The following PEPD variants were observed in gnomAD, a reference collection of about 807,000 sequenced individuals.
PEPD encodes xaa-Pro dipeptidase.
PEPD carries 53 observed loss-of-function variants against 60.7 expected under a neutral mutation model. The observed-to-expected ratio is 0.87, with a 90% CI of 0.70 to 1.10. The LOEUF (loss-of-function observed/expected upper bound fraction) is 1.10. Among genes scored for constraint, PEPD ranks in the 50% least tolerant of loss-of-function variants. PEPD has a pLI of 0.00. For missense variants in PEPD, 711 were observed against 711.9 expected, an observed-to-expected ratio of 1.00 and a Z score of 0.01; for synonymous variants, 267 against 284.1, an observed-to-expected ratio of 0.94 and a Z score of 0.60.
intron 3 of PEPD, among the ~76,000 whole-genome samples, chr19:33,504,039 T>G (rs1250006727): frequency 6.6e-6 from 1 of 152,194 alleles, no homozygotes; most frequent in Non-Finnish European, 1.5e-5. Flanking sequence ...GAAGAGCCAT[T>G]CGACAGATAC....
chr19:33,473,269 G>A (rs184560179), intron 7 of PEPD, among the ~76,000 whole-genome samples: 26 of 152,258 alleles, frequency 1.7e-4, no homozygotes, highest in Admixed American at 9.8e-4. Context: ...ACACAAAGAT[G>A]AGCAATGCTA....
intron 6 of PEPD, among the ~76,000 whole-genome samples, chr19:33,487,831 G>T (rs1322212991): frequency 6.6e-6 from 1 of 152,140 alleles, no homozygotes; most frequent in African/African-American, 2.4e-5. Flanking sequence ...CACAGGGACT[G>T]GGGGGCAACA....
At position 33,483,809 on chromosome 19, in the gene PEPD, AGTCTCTTTAAAAAAGCCT is replaced by A. The variant is rs994082072; in HGVS notation, c.504-5737_504-5720del. Among the ~76,000 whole-genome samples the A allele has an allele frequency of 1.4e-3, 217 of 152,180 alleles. 1 individual carries two copies. Among genetic ancestry groups the A allele is most frequent in the African/African-American group, 4.3e-3 (177 of 41,532 alleles). On this transcript the variant is annotated intron_variant, in intron 6 of 14. Coordinates refer to ENST00000244137, the MANE Select transcript of PEPD (RefSeq NM_000285.4). Reference sequence around the variant, plus strand: ...GCCTGGGCAAGAGTGACTCTTGCCCAGTCTCTTTAAAAAAGCCTGTCTCTTTAAAAAAGAAAAAAAGAC... The same window carrying A: ...GCCTGGGCAAGAGTGACTCTTGCCCAGTCTCTTTAAAAAAGAAAAAAAGAC...
At position 33,393,666 on chromosome 19, in the gene PEPD, A is replaced by G. The variant is rs576483778; in HGVS notation, c.968-2187T>C. On this transcript the variant is annotated intron_variant, in intron 12 of 14. Transcript: ENST00000244137. ...CAGTGGCATTGGCCACCATTCCTCC[A>G]TCGCGCATGACCAGCCAGCCCTGGT... Among the ~76,000 whole-genome samples, 10 of 152,254 alleles carry G rather than the reference A, an allele frequency of 6.6e-5. No homozygotes were observed. The East Asian group carries it at 1.6e-3, about 24-fold the overall frequency.
chr19:33,503,502 G>A (rs775680224), intron 3 of PEPD, among the ~76,000 whole-genome samples: 20 of 152,118 alleles, frequency 1.3e-4, no homozygotes, highest in Non-Finnish European at 2.6e-4. Context: ...CGAGCGCCTC[G>A]CCTGGACTTC....
intron 3 of PEPD, among the ~76,000 whole-genome samples, chr19:33,503,183 CA>C (rs1970742333): frequency 6.6e-6 from 1 of 152,166 alleles, no homozygotes; most frequent in Non-Finnish European, 1.5e-5. Context: ...CCACCCAAAC[CA>C]GGAAGTACTG....
chr19:33,511,388 TG>T (rs1970924074), intron 2 of PEPD: 1 of 516,588 alleles, frequency 1.9e-6, no homozygotes, highest in Admixed American at 2.6e-5. Context: ...TCCCTGATGC[TG>T]TGTCAGGCAT....
intron 11 of PEPD, among the ~76,000 whole-genome samples, chr19:33,405,595 G>C (rs569645058): frequency 6.6e-6 from 1 of 152,354 alleles, no homozygotes; most frequent in Admixed American, 6.5e-5. Context: ...CTGCCCCAGT[G>C]GGCGGCCCCT....
intron 6 of PEPD, among the ~76,000 whole-genome samples, chr19:33,487,818 G>A (rs533799037): frequency 1.3e-5 from 2 of 152,292 alleles, no homozygotes; most frequent in South Asian, 2.1e-4. Context: ...TCTTGGCAGA[G>A]GCCACAGGGA....
At position 33,394,391 on chromosome 19, in the gene PEPD, G is replaced by T. The variant is rs535065162; in HGVS notation, c.968-2912C>A. ...GGGGCAGGCCCGGCGCCGCCCAGAT[G>T]TGCCGGCCCGGGGGTCCCCTTGGCG... On this transcript the variant is annotated intron_variant, in intron 12 of 14. Coordinates refer to ENST00000244137, the MANE Select transcript of PEPD (RefSeq NM_000285.4). 2.0e-5 allele frequency among the ~76,000 whole-genome samples: 3 copies of T among 152,350 alleles called. No homozygotes were observed. In the South Asian group the frequency reaches 6.2e-4, roughly 32 times the overall value.
At chr19:33,395,826 G>GTGTA (rs1449830736) in intron 12 of PEPD, among the ~76,000 whole-genome samples, 1 of 152,260 alleles carries the variant, frequency 6.6e-6, no homozygotes, top group Non-Finnish European at 1.5e-5. Flanking sequence ...GGCTCTAGGG[G>GTGTA]TGTAGGACAG....
intron 9 of PEPD, among the ~76,000 whole-genome samples, chr19:33,462,197 AG>A (rs994049792): frequency 3.3e-5 from 5 of 152,188 alleles, no homozygotes; most frequent in African/African-American, 1.2e-4. Flanking sequence ...GGGCCCTGCA[AG>A]GGGGGTAAGG....
chr19:33,470,800 G>A lies in PEPD; in HGVS notation c.549-6738C>T, dbSNP rs558141321. Among the ~76,000 whole-genome samples the A allele has an allele frequency of 3.0e-3, 461 of 152,278 alleles. 2 individuals are homozygous for A. Among genetic ancestry groups the A allele is most frequent in the Non-Finnish European group, 5.3e-3 (359 of 68,018 alleles). On this transcript the variant is annotated intron_variant, in intron 7 of 14. Transcript: ENST00000244137. The stretch of plus-strand genomic sequence containing the variant: ...ACCCAACCTTCCCCACCCCATGGCA[G>A]CATGGGATGTTGCCAAACCGGGCAC...
chr19:33,482,636 G>A (rs1481687682), intron 6 of PEPD, among the ~76,000 whole-genome samples: 6 of 152,160 alleles, frequency 3.9e-5, no homozygotes, highest in African/African-American at 1.4e-4. Context: ...GCATCCAGAC[G>A]ACCCTGCAAT....
chr19:33,424,178 T>C (rs6510381), intron 9 of PEPD, among the ~76,000 whole-genome samples: 55,304 of 152,070 alleles, frequency 0.36, 10,752 homozygotes, highest in African/African-American at 0.51. Context: ...GCTGGCCCTG[T>C]AGTGACCCCC....
intron 11 of PEPD, among the ~76,000 whole-genome samples, chr19:33,403,052 G>A (rs1833006958): frequency 6.6e-6 from 1 of 152,188 alleles, no homozygotes; most frequent in Admixed American, 6.5e-5. Context: ...GACAGGATAC[G>A]GGAAGGGCTG....
chr19:33,416,871 G>A (rs543179763), intron 9 of PEPD, among the ~76,000 whole-genome samples: 28 of 152,342 alleles, frequency 1.8e-4, no homozygotes, highest in African/African-American at 6.5e-4. Context: ...CAGTGTCAGT[G>A]GGGCAGGCAC....
chr19:33,404,557 G>T (rs940014053), intron 11 of PEPD, among the ~76,000 whole-genome samples: 4 of 152,176 alleles, frequency 2.6e-5, no homozygotes, highest in Admixed American at 1.3e-4. Flanking sequence ...GTGCAGACCA[G>T]ACTCAGATCC....
chr19:33,483,147 T>C (rs1175124379), intron 6 of PEPD, among the ~76,000 whole-genome samples: 1 of 152,076 alleles, frequency 6.6e-6, no homozygotes, highest in Admixed American at 6.6e-5. Context: ...ATATGAAATA[T>C]CATAACCTGT....
Sources: allele counts gnomAD v4.1 joint callset (sites outside exome capture counted in the v4.1 genomes callset), GRCh38; gene constraint gnomAD v4.1.1; transcripts MANE v1.5; gene names NCBI Gene and HGNC (gene_info 2026-07-23, HGNC 2026-07-21).